The following GHR variants were observed in gnomAD, a reference collection of about 807,000 sequenced individuals.
GHR encodes the protein GH receptor.
A neutral mutation model predicts 67.1 loss-of-function variants in GHR; 35 were observed. The observed-to-expected ratio is 0.52, with a 90% CI of 0.40 to 0.69. The LOEUF is 0.69. GHR is among the 30% of genes least tolerant of loss of function. GHR has a pLI of 0.00. For missense variants in GHR, 792 were observed against 764.6 expected, an observed-to-expected ratio of 1.04 and a Z score of -0.42; for synonymous variants, 272 against 269.1, an observed-to-expected ratio of 1.01 and a Z score of -0.10.
chr5:42,469,040 T>G (rs1744879644), intron 1 of GHR, among the ~76,000 whole-genome samples: 1 of 152,272 alleles, frequency 6.6e-6, no homozygotes. Flanking sequence ...AATGGAGTTA[T>G]GTTTAATTAT....
chr5:42,563,363 C>T (rs1156465880), intron 1 of GHR, among the ~76,000 whole-genome samples: 1 of 151,884 alleles, frequency 6.6e-6, no homozygotes, highest in African/African-American at 2.4e-5. Flanking sequence ...ACCTGTAATC[C>T]CAGCACTTTG....
chr5:42,656,526 C>T (rs1194198783), intron 3 of GHR, among the ~76,000 whole-genome samples: 1 of 152,062 alleles, frequency 6.6e-6, no homozygotes, highest in Non-Finnish European at 1.5e-5. Context: ...GTCCATCCCC[C>T]ATTCTCTATT....
At chr5:42,514,090 C>A (rs1189162791) in intron 1 of GHR, 8 of 982,972 alleles carry the variant, frequency 8.1e-6, no homozygotes, top group Non-Finnish European at 8.5e-6. Context: ...TTAAAATGAG[C>A]AACTTCTTTA....
Position 42,718,994 on chromosome 5 carries a change from CA to C in GHR, c.1488del (p.Gly497ValfsTer64), listed in dbSNP as rs1423997651. ...GCCCAGGTGAGCGACATTACACCAG[CA>C]GGTAGTGTGGTCCTTTCCCCGGGCC... ...FYAQVSDITPAGSVVLSPGQK... is the reference protein window; with the variant it reads ...FYAQVSDITPXGSVVLSPGQK... On this transcript the variant is annotated frameshift_variant, in exon 10 of 10. Coordinates refer to ENST00000230882, the MANE Select transcript of GHR (RefSeq NM_000163.5). LOFTEE classifies it high-confidence loss of function. 1 of 1,609,556 alleles carries C rather than the reference CA, an allele frequency of 6.2e-7. No homozygotes were observed. The highest frequency in any genetic ancestry group is 8.5e-7 in the Non-Finnish European group (1 of 1,177,046).
At chr5:42,660,889 T>C (rs540210514) in intron 3 of GHR, among the ~76,000 whole-genome samples, 1 of 152,174 alleles carries the variant, frequency 6.6e-6, no homozygotes, top group African/African-American at 2.4e-5. Flanking sequence ...ATAACTAGAA[T>C]AACCAATACA....
In GHR at chr5:42,719,583, T is replaced by C; in HGVS notation, c.*159T>C. The C allele has an allele frequency of 1.4e-6, 1 of 704,412 alleles. No homozygotes were observed. Among genetic ancestry groups the C allele is most frequent in the South Asian group, 1.5e-5 (1 of 64,962 alleles). 43.6% of individuals were successfully genotyped at this position (704,412 alleles called of 1,614,324 possible). Reference sequence around the variant, plus strand: ...TTCCCAAAATGTTGAAATATGATGTTAAAAAAATAAGAAGAATGCTTAATC... The same window carrying C: ...TTCCCAAAATGTTGAAATATGATGTCAAAAAAATAAGAAGAATGCTTAATC... On this transcript the variant is annotated 3_prime_UTR_variant, in exon 10 of 10. Coordinates refer to ENST00000230882, the MANE Select transcript of GHR (RefSeq NM_000163.5).
chr5:42,512,979 GA>G (rs1394652332), intron 1 of GHR, among the ~76,000 whole-genome samples: 7 of 152,182 alleles, frequency 4.6e-5, no homozygotes, highest in African/African-American at 1.7e-4. Flanking sequence ...GGCTCTGGGG[GA>G]TATTTTTTTA....
intron 2 of GHR, among the ~76,000 whole-genome samples, chr5:42,576,258 A>T (rs1750738840): frequency 6.6e-6 from 1 of 151,964 alleles, no homozygotes; most frequent in South Asian, 2.1e-4. Context: ...CAGTTTTCTT[A>T]TCTCTTAAGT....
rs150097262 is a variant in GHR at position 42,556,209 on chromosome 5, C to T, written c.-11-9655C>T. 3.8e-3 allele frequency among the ~76,000 whole-genome samples: 575 copies of T among 152,264 alleles called. 4 individuals are homozygous for T. The highest frequency in any genetic ancestry group is 0.013 in the African/African-American group (551 of 41,556). ...CTTTGAAAACCTACGCTTCTGTTAA[C>T]TCCAAAGAAGGCAGGAATACATGCA... On this transcript the variant is annotated intron_variant, in intron 1 of 9. Coordinates refer to ENST00000230882, the MANE Select transcript of GHR (RefSeq NM_000163.5).
At chr5:42,548,415 C>A in intron 1 of GHR, 1 of 984,704 alleles carries the variant, frequency 1.0e-6, no homozygotes, top group Non-Finnish European at 1.2e-6. Flanking sequence ...GTGATGTGAT[C>A]TGCTTGCATA....
chr5:42,588,039 T>C (rs147115993), intron 2 of GHR, among the ~76,000 whole-genome samples: 3 of 152,312 alleles, frequency 2.0e-5, no homozygotes, highest in African/African-American at 7.2e-5. Context: ...GAGACTAAGA[T>C]TTTCAAGGTC....
intron 3 of GHR, among the ~76,000 whole-genome samples, chr5:42,663,410 T>G (rs1755764512): frequency 6.6e-6 from 1 of 152,212 alleles, no homozygotes; most frequent in Non-Finnish European, 1.5e-5. Flanking sequence ...TCAAGTGGGC[T>G]TCATCCCTGG....
intron 3 of GHR, among the ~76,000 whole-genome samples, chr5:42,672,901 C>T (rs970082999): frequency 2.6e-5 from 4 of 152,038 alleles, no homozygotes; most frequent in African/African-American, 9.7e-5. Flanking sequence ...GCAATTTCAA[C>T]AAAAACAAAA....
chr5:42,494,862 T>C (rs1746253802), intron 1 of GHR, among the ~76,000 whole-genome samples: 1 of 152,104 alleles, frequency 6.6e-6, no homozygotes, highest in South Asian at 2.1e-4. Flanking sequence ...AATGCATTAG[T>C]TCTTTTTGGT....
At chr5:42,477,657 G>GT (rs1435452622) in intron 1 of GHR, among the ~76,000 whole-genome samples, 3 of 152,134 alleles carry the variant, frequency 2.0e-5, no homozygotes, top group Admixed American at 6.5e-5. Context: ...TTTTTCATGT[G>GT]TTTTTTGGCT....
chr5:42,438,309 T>A (rs1743421336), intron 1 of GHR, among the ~76,000 whole-genome samples: 1 of 152,208 alleles, frequency 6.6e-6, no homozygotes, highest in African/African-American at 2.4e-5. Flanking sequence ...CAAACCCAGA[T>A]CTTCCTAATT....
At chr5:42,467,544 A>T in intron 1 of GHR, 2 of 1,412,454 alleles carry the variant, frequency 1.4e-6, no homozygotes, top group Non-Finnish European at 2.0e-6. Context: ...CACATTTACT[A>T]CGCCTAAAGG....
intron 3 of GHR, among the ~76,000 whole-genome samples, chr5:42,661,194 AG>A (rs1367381840): frequency 6.6e-6 from 1 of 152,238 alleles, no homozygotes; most frequent in Non-Finnish European, 1.5e-5. Context: ...GATATTATCC[AG>A]GAGAACTTCC....
intron 8 of GHR, chr5:42,715,036 G>A (rs2910879): frequency 0.03 from 11,230 of 375,710 alleles, 684 homozygotes; most frequent in South Asian, 0.13. Flanking sequence ...CTCTCAAAAA[G>A]TAGGATTTCC....
Sources: allele counts gnomAD v4.1 joint callset (sites outside exome capture counted in the v4.1 genomes callset), GRCh38; gene constraint gnomAD v4.1.1; transcripts MANE v1.5; gene names NCBI Gene and HGNC (gene_info 2026-07-23, HGNC 2026-07-21).